Variants in CACNA1D observed in about 807,000 individuals in gnomAD.
CACNA1D encodes calcium voltage-gated channel subunit alpha1 D, also known as voltage-dependent L-type calcium channel subunit alpha-1D.
CACNA1D carries 55 observed loss-of-function variants against 257.1 expected under a neutral mutation model. The observed-to-expected ratio is 0.21, with a 90% CI of 0.17 to 0.27. The LOEUF is 0.27. Ranked by LOEUF, CACNA1D falls within the 10% of genes least tolerant of loss-of-function variation. The pLI is 1.00. For synonymous variants in CACNA1D, 980 were observed against 1,014.9 expected, an observed-to-expected ratio of 0.97 and a Z score of 0.65; for missense variants, 1,876 against 2,784.0, an observed-to-expected ratio of 0.67 and a Z score of 7.34.
At chr3:53,604,032 G>A (rs752722310) in intron 3 of CACNA1D, among the ~76,000 whole-genome samples, 2 of 152,190 alleles carry the variant, frequency 1.3e-5, no homozygotes, top group Admixed American at 6.5e-5. Flanking sequence ...TAGGTAATGC[G>A]GATGGAGCAA....
rs763188292 is a variant in CACNA1D, at chr3:53,801,339, T to G, written c.5322T>G (p.Ile1774Met). The change falls in exon 42 of 48, where the codon ATT (isoleucine) becomes ATG (methionine). Residue 1774 changes from isoleucine (I) to methionine (M), a missense_variant. Coordinates refer to ENST00000350061, the MANE Select transcript of CACNA1D (RefSeq NM_001128840.3). ...CTGCCCATGGAAAGCGGCCCAGCATTGGGAACCTTGAGCATGTGTCTGAAA... is the reference window on the plus strand; with the variant it reads ...CTGCCCATGGAAAGCGGCCCAGCATGGGGAACCTTGAGCATGTGTCTGAAA... ...SKAAHGKRPS[I>M]GNLEHVSENG... 1 of 1,614,154 alleles carries G rather than the reference T, an allele frequency of 6.2e-7. No homozygotes were observed. Among genetic ancestry groups the G allele is most frequent in the Non-Finnish European group, 8.5e-7 (1 of 1,180,020 alleles).
intron 3 of CACNA1D, among the ~76,000 whole-genome samples, chr3:53,622,593 G>A (rs1252319191): frequency 1.3e-5 from 2 of 152,080 alleles, no homozygotes; most frequent in African/African-American, 2.4e-5. Context: ...GACACAGAGG[G>A]CAACAACACA....
rs2093726620 is a variant in CACNA1D, at chr3:53,623,838, T to C, written c.484-26941T>C. 2.6e-5 allele frequency among the ~76,000 whole-genome samples: 4 copies of C among 152,214 alleles called. No individual in the cohort carries two copies. In the South Asian group the frequency reaches 6.2e-4, roughly 24 times the overall value. ...AGGTGTTTCCCTCAATGCTGAGTGC[T>C]TGGAGCCGCTTTAGAATTGCTTTCA... On this transcript the variant is annotated intron_variant, in intron 3 of 47. Transcript: ENST00000350061.
At chr3:53,675,201 A>T (rs771943032) in intron 8 of CACNA1D, among the ~76,000 whole-genome samples, 2 of 152,196 alleles carry the variant, frequency 1.3e-5, no homozygotes, top group Non-Finnish European at 2.9e-5. Flanking sequence ...GGATGGGGCC[A>T]CATAACCCTC....
chr3:53,670,605 A>G (rs552498551), intron 7 of CACNA1D, among the ~76,000 whole-genome samples: 1 of 152,310 alleles, frequency 6.6e-6, no homozygotes, highest in Non-Finnish European at 1.5e-5. Context: ...TTGGCCTCCC[A>G]AAGTGTTGGG....
chr3:53,604,231 A>G (rs1267024429), intron 3 of CACNA1D, among the ~76,000 whole-genome samples: 1 of 152,134 alleles, frequency 6.6e-6, no homozygotes, highest in African/African-American at 2.4e-5. Context: ...TTGCAAAGGG[A>G]GTTGGAAGTA....
At chr3:53,587,486 T>C (rs2107787402) in intron 3 of CACNA1D, among the ~76,000 whole-genome samples, 1 of 152,252 alleles carries the variant, frequency 6.6e-6, no homozygotes, top group East Asian at 1.9e-4. Context: ...TGGACTCATT[T>C]TGGGACATGC....
chr3:53,599,116 A>G (rs1463227104), intron 3 of CACNA1D, among the ~76,000 whole-genome samples: 3 of 152,152 alleles, frequency 2.0e-5, no homozygotes, highest in Admixed American at 6.5e-5. Context: ...ACATGTTAAT[A>G]TATCAGGGTC....
At chr3:53,532,186 A>C (rs1322339831) in intron 3 of CACNA1D, among the ~76,000 whole-genome samples, 1 of 152,222 alleles carries the variant, frequency 6.6e-6, no homozygotes, top group Non-Finnish European at 1.5e-5. Flanking sequence ...CTGTTATAAC[A>C]AAGCCCATTG....
intron 37 of CACNA1D, among the ~76,000 whole-genome samples, chr3:53,779,244 A>C (rs2095413591): frequency 6.6e-6 from 1 of 152,200 alleles, no homozygotes; most frequent in Non-Finnish European, 1.5e-5. Context: ...GTGAAGTTTC[A>C]CGGTTTAAAA....
At chr3:53,554,178 A>G (rs1575846716) in intron 3 of CACNA1D, among the ~76,000 whole-genome samples, 1 of 151,022 alleles carries the variant, frequency 6.6e-6, no homozygotes, top group Non-Finnish European at 1.5e-5. Context: ...CCTGGGCAAC[A>G]GAGTGAGACT....
intron 3 of CACNA1D, among the ~76,000 whole-genome samples, chr3:53,632,910 G>A (rs2093838389): frequency 6.6e-6 from 1 of 152,142 alleles, no homozygotes; most frequent in South Asian, 2.1e-4. Flanking sequence ...TACCAGATAC[G>A]ATAAAAATGA....
At chr3:53,637,762 C>G (rs768020226) in intron 3 of CACNA1D, among the ~76,000 whole-genome samples, 13 of 152,090 alleles carry the variant, frequency 8.5e-5, no homozygotes, top group Admixed American at 8.5e-4. Flanking sequence ...GTGGGTCTCC[C>G]GAGACTCAGT....
intron 3 of CACNA1D, among the ~76,000 whole-genome samples, chr3:53,614,008 T>TA (rs1470796249): frequency 6.6e-6 from 1 of 150,886 alleles, no homozygotes; most frequent in Non-Finnish European, 1.5e-5. Flanking sequence ...GATAATAAGA[T>TA]ACAGCTAGGT....
At chr3:53,772,231 T>C (rs1215660020) in intron 32 of CACNA1D, among the ~76,000 whole-genome samples, 1 of 151,886 alleles carries the variant, frequency 6.6e-6, no homozygotes, top group African/African-American at 2.4e-5. Context: ...CCCCCCAACT[T>C]AGCAGTTCTT....
At chr3:53,622,789 G>T (rs182485178) in intron 3 of CACNA1D, among the ~76,000 whole-genome samples, 49 of 152,174 alleles carry the variant, frequency 3.2e-4, no homozygotes, top group African/African-American at 1.1e-3. Context: ...CGGGAGAATG[G>T]ATAAACAAAT....
At chr3:53,545,657 CT>C (rs1322790517) in intron 3 of CACNA1D, among the ~76,000 whole-genome samples, 1 of 152,160 alleles carries the variant, frequency 6.6e-6, no homozygotes, top group African/African-American at 2.4e-5. Flanking sequence ...GACGAAAGGG[CT>C]TGTGCAGACT....
At chr3:53,767,951 C>T (rs1371756732) in intron 30 of CACNA1D, among the ~76,000 whole-genome samples, 4 of 152,316 alleles carry the variant, frequency 2.6e-5, no homozygotes, top group South Asian at 2.1e-4. Context: ...CTCCCTCCCT[C>T]GCATGTTGTG....
At chr3:53,614,197 G>C (rs1381360276) in intron 3 of CACNA1D, among the ~76,000 whole-genome samples, 2 of 151,580 alleles carry the variant, frequency 1.3e-5, no homozygotes, top group Admixed American at 6.6e-5. Flanking sequence ...GGAAGACATC[G>C]TCCCGGGGCT....
Sources: allele counts gnomAD v4.1 joint callset (sites outside exome capture counted in the v4.1 genomes callset), GRCh38; gene constraint gnomAD v4.1.1; transcripts MANE v1.5; gene names NCBI Gene and HGNC (gene_info 2026-07-23, HGNC 2026-07-21).